COG5: variants seen among roughly 807,000 people sequenced by gnomAD.
The protein encoded by COG5 is component of oligomeric golgi complex 5, also known as conserved oligomeric Golgi complex subunit 5.
COG5 carries 86 observed loss-of-function variants against 110.4 expected under a neutral mutation model. The observed-to-expected ratio is 0.78, with a 90% CI of 0.65 to 0.93. COG5 has a LOEUF of 0.93. Among genes scored for constraint, COG5 ranks in the 40% least tolerant of loss-of-function variants. The pLI is 0.00. For synonymous variants in COG5, 360 were observed against 334.6 expected, an observed-to-expected ratio of 1.08 and a Z score of -0.83; for missense variants, 1,077 against 987.0, an observed-to-expected ratio of 1.09 and a Z score of -1.22.
At chr7:107,342,289 T>G (rs1188422157) in intron 10 of COG5, among the ~76,000 whole-genome samples, 1 of 140,342 alleles carries the variant, frequency 7.1e-6, no homozygotes, top group Non-Finnish European at 1.5e-5. Context: ...ATTCGATCAT[T>G]AGAGAAATGC....
At position 107,457,669 on chromosome 7, in the gene COG5, TC is replaced by T. The variant is rs368613264; in HGVS notation, c.539-45038del. On this transcript the variant is annotated intron_variant, in intron 6 of 21. Coordinates refer to ENST00000297135, the MANE Select transcript of COG5 (RefSeq NM_006348.5). ...TGGTCTCGATCTCCTGAAGTCGTGA[TC>T]CCCCCCGCCTCAGCCTCCCAAAGTG... is the stretch of plus-strand genomic sequence containing the variant. Among the ~76,000 whole-genome samples, 12 of 151,188 alleles carry T rather than the reference TC, an allele frequency of 7.9e-5. No individual in the cohort carries two copies. In the East Asian group the frequency reaches 2.1e-3, roughly 27 times the overall value.
chr7:107,484,909 T>C (rs952095716), intron 6 of COG5, among the ~76,000 whole-genome samples: 2 of 152,172 alleles, frequency 1.3e-5, no homozygotes, highest in African/African-American at 4.8e-5. Context: ...TCAGACTGTG[T>C]AGAAAGAGGA....
At chr7:107,211,846 C>T (rs1799200246) in intron 19 of COG5, among the ~76,000 whole-genome samples, 1 of 152,162 alleles carries the variant, frequency 6.6e-6, no homozygotes, top group African/African-American at 2.4e-5. Flanking sequence ...TTATATACCA[C>T]CTGGTGCAAA....
chr7:107,305,081 T>C (rs757406538), intron 11 of COG5, among the ~76,000 whole-genome samples: 33 of 152,328 alleles, frequency 2.2e-4, no homozygotes, highest in Admixed American at 6.5e-4. Context: ...GGATGTGCTA[T>C]TTTATGTACT....
chr7:107,344,981 T>C (rs1270678111), intron 10 of COG5, among the ~76,000 whole-genome samples: 2 of 152,256 alleles, frequency 1.3e-5, no homozygotes, highest in Non-Finnish European at 2.9e-5. Flanking sequence ...CAAAGCTTAC[T>C]CATTTCTAGC....
intron 21 of COG5, 138 bp downstream of exon 21, chr7:107,210,388 A>C: frequency 6.8e-7 from 1 of 1,469,478 alleles, no homozygotes; most frequent in Non-Finnish European, 9.0e-7. Flanking sequence ...ACCCGTGCCT[A>C]GGCAGTGAGG....
intron 10 of COG5, among the ~76,000 whole-genome samples, chr7:107,325,751 G>T (rs1432804842): frequency 3.3e-5 from 5 of 152,056 alleles, no homozygotes; most frequent in Non-Finnish European, 7.4e-5. Context: ...TTATAATTTT[G>T]GACAAGTGAA....
intron 6 of COG5, chr7:107,475,023 A>G: frequency 1.2e-6 from 2 of 1,612,862 alleles, no homozygotes; most frequent in Non-Finnish European, 1.7e-6. Flanking sequence ...TTATTTCTAC[A>G]TTTCTTCTCT....
chr7:107,562,229 A>G (rs1022540571), intron 1 of COG5, among the ~76,000 whole-genome samples: 3 of 152,268 alleles, frequency 2.0e-5, no homozygotes, highest in African/African-American at 7.2e-5. Context: ...ACTGTGGAGA[A>G]TGGCAGAGAA....
At chr7:107,494,742 T>A (rs1185466067) in intron 6 of COG5, among the ~76,000 whole-genome samples, 2 of 152,136 alleles carry the variant, frequency 1.3e-5, no homozygotes, top group Non-Finnish European at 2.9e-5. Flanking sequence ...AAAGAAAGAT[T>A]TACTTTTAAT....
At chr7:107,258,229 A>T in intron 15 of COG5, 44 bp downstream of exon 15, 1 of 1,183,050 alleles carries the variant, frequency 8.5e-7, no homozygotes, top group Non-Finnish European at 1.3e-6. Flanking sequence ...TTGAGGCAAG[A>T]AGAATTTAAA....
Position 107,563,623 on chromosome 7 carries a change from G to A in COG5, c.94+180C>T, listed in dbSNP as rs563149150. 1.1e-4 allele frequency: 81 copies of A among 705,396 alleles called. No homozygotes were observed. In the African/African-American group the frequency reaches 1.3e-3, roughly 11 times the overall value. 43.7% of individuals were successfully genotyped at this position (705,396 alleles called of 1,614,324 possible). A position where few individuals can be genotyped will look rare whatever the true frequency, so the allele number is the denominator to read the frequency against. The stretch of plus-strand genomic sequence containing the variant: ...CAAGACTCCAGAAAAGAGGGAGCCA[G>A]TCCCAGAGTAAATAGGTTGGCTAGA... On this transcript the variant is annotated intron_variant, in intron 1 of 21. Transcript: ENST00000297135.
Position 107,216,145 on chromosome 7 carries a change from T to TA in COG5, c.2169-4921dup, listed in dbSNP as rs1312092971. ...CAAAATAGACTTAAGCTCAAAGCAATAAAAAAAGGCAAAGAAAGTCATCAT... is the reference window on the plus strand; with the variant it reads ...CAAAATAGACTTAAGCTCAAAGCAATAAAAAAAAGGCAAAGAAAGTCATCAT... On this transcript the variant is annotated intron_variant, in intron 19 of 21. Transcript: ENST00000297135. Among the ~76,000 whole-genome samples, 3 of 151,860 alleles carry TA rather than the reference T, an allele frequency of 2.0e-5. No individual in the cohort carries two copies. The East Asian group carries it at 5.8e-4, about 29-fold the overall frequency.
chr7:107,355,826 A>G (rs1812579061), intron 10 of COG5, among the ~76,000 whole-genome samples: 1 of 152,252 alleles, frequency 6.6e-6, no homozygotes. Context: ...TGAAACTAGT[A>G]AAACCATTCT....
At position 107,306,874 on chromosome 7, in the gene COG5, G is replaced by A. The variant is rs538381942; in HGVS notation, c.1109-8528C>T. ...GTCTTCAACTTTGACAGGAACACACGTCCAAGACCTATTTCTCAATTTCTG... is the reference window on the plus strand; with the variant it reads ...GTCTTCAACTTTGACAGGAACACACATCCAAGACCTATTTCTCAATTTCTG... On this transcript the variant is annotated intron_variant, in intron 11 of 21. Coordinates refer to ENST00000297135, the MANE Select transcript of COG5 (RefSeq NM_006348.5). Among the ~76,000 whole-genome samples the A allele has an allele frequency of 6.6e-5, 10 of 152,144 alleles. No individual in the cohort carries two copies. The East Asian group carries it at 1.5e-3, about 24-fold the overall frequency.
At chr7:107,465,153 A>G (rs764816534) in intron 6 of COG5, among the ~76,000 whole-genome samples, 31 of 152,194 alleles carry the variant, frequency 2.0e-4, no homozygotes, top group Non-Finnish European at 3.4e-4. Context: ...AATATAAGTA[A>G]GTCTCACATG....
In COG5 at chr7:107,356,032, A is replaced by G. The variant is rs553923216; in HGVS notation, c.1026+6001T>C. 5.4e-4 allele frequency among the ~76,000 whole-genome samples: 82 copies of G among 152,354 alleles called. 1 individual carries two copies. The highest frequency in any genetic ancestry group is 1.3e-3 in the African/African-American group (52 of 41,590). ...TGCATAACATTGTACTTTCTGCTCA[A>G]TATTTTGTAAACCTAAAGCTGCCCT... On this transcript the variant is annotated intron_variant, in intron 10 of 21. Transcript: ENST00000297135.
chr7:107,329,765 A>G (rs1214210892), intron 10 of COG5, among the ~76,000 whole-genome samples: 1 of 152,046 alleles, frequency 6.6e-6, no homozygotes, highest in African/African-American at 2.4e-5. Flanking sequence ...GTGTGGGAGC[A>G]TGTGCCTGTG....
intron 14 of COG5, among the ~76,000 whole-genome samples, chr7:107,278,198 C>T (rs1804857524): frequency 6.6e-6 from 1 of 152,170 alleles, no homozygotes. Context: ...CTTTATCTCA[C>T]TGCTTGAGCA....
Sources: allele counts gnomAD v4.1 joint callset (sites outside exome capture counted in the v4.1 genomes callset), GRCh38; gene constraint gnomAD v4.1.1; transcripts MANE v1.5; gene names NCBI Gene and HGNC (gene_info 2026-07-23, HGNC 2026-07-21).